Variants in PARD3 observed in about 807,000 individuals in gnomAD.
The protein encoded by PARD3 is partitioning defective 3 homolog.
PARD3 carries 75 observed loss-of-function variants against 155.4 expected under a neutral mutation model. That is an observed-to-expected ratio of 0.48 (90% CI 0.40 to 0.58). PARD3 has a LOEUF of 0.58. Ranked by LOEUF, PARD3 falls within the 20% of genes least tolerant of loss-of-function variation. The pLI, the probability that PARD3 is intolerant of heterozygous loss-of-function variation, is 0.00. For missense variants in PARD3, 1,642 were observed against 1,721.7 expected (o/e 0.95, Z 0.82); for synonymous variants, 576 against 610.5 (o/e 0.94, Z 0.83).
At chr10:34,127,827 T>TA (rs1317137044) in intron 23 of PARD3, among the ~76,000 whole-genome samples, 5 of 142,244 alleles carry the variant, frequency 3.5e-5, no homozygotes, top group Non-Finnish European at 7.8e-5. Context: ...TTTGTGTAAA[T>TA]ATACATAGTT....
At chr10:34,807,499 A>T in intron 1 of PARD3, among the ~76,000 whole-genome samples, 1 of 152,132 alleles carries the variant, frequency 6.6e-6, no homozygotes, top group Non-Finnish European at 1.5e-5. Context: ...GAAACCTCAT[A>T]CCCATTCACA....
At chr10:34,543,557 A>C (rs897959891) in intron 2 of PARD3, among the ~76,000 whole-genome samples, 9 of 152,254 alleles carry the variant, frequency 5.9e-5, no homozygotes, top group African/African-American at 2.2e-4. Flanking sequence ...GAGAGTGTGA[A>C]GAATGGAACA....
chr10:34,414,298 A>T (rs902724737), intron 5 of PARD3, among the ~76,000 whole-genome samples: 1 of 152,086 alleles, frequency 6.6e-6, no homozygotes, highest in African/African-American at 2.4e-5. Flanking sequence ...AAATAGAAGC[A>T]TGTCTACTGT....
At chr10:34,696,007 T>C (rs1466497874) in intron 2 of PARD3, among the ~76,000 whole-genome samples, 2 of 152,258 alleles carry the variant, frequency 1.3e-5, no homozygotes, top group East Asian at 3.9e-4. Flanking sequence ...TGAAGAAAGA[T>C]GTTATGTTTG....
At chr10:34,432,337 TACAC>T (rs71917947) in intron 5 of PARD3, among the ~76,000 whole-genome samples, 13,705 of 143,386 alleles carry the variant, frequency 0.096, 675 homozygotes, top group African/African-American at 0.11. Context: ...CACGTGCACA[TACAC>T]ACACACACAC....
At chr10:34,132,899 C>A (rs1297220367) in intron 22 of PARD3, among the ~76,000 whole-genome samples, 2 of 152,050 alleles carry the variant, frequency 1.3e-5, no homozygotes, top group African/African-American at 4.8e-5. Flanking sequence ...AATGGTGCGG[C>A]AGAGAAGGGA....
chr10:34,686,289 G>T (rs1213686175), intron 2 of PARD3, among the ~76,000 whole-genome samples: 4 of 152,024 alleles, frequency 2.6e-5, no homozygotes, highest in African/African-American at 9.7e-5. Context: ...TTTTCCTATG[G>T]CTCTTTTCTG....
chr10:34,337,759 T>G (rs546341620), intron 16 of PARD3, among the ~76,000 whole-genome samples: 1 of 152,352 alleles, frequency 6.6e-6, no homozygotes, highest in East Asian at 1.9e-4. Flanking sequence ...TTAGAACAAC[T>G]GAATTTTTCA....
chr10:34,276,854 T>G (rs1445643437), intron 21 of PARD3, among the ~76,000 whole-genome samples: 4 of 152,176 alleles, frequency 2.6e-5, no homozygotes, highest in Non-Finnish European at 4.4e-5. Flanking sequence ...ACATGTTGTA[T>G]TTTTTTAAAG....
chr10:34,250,943 AGAGAATCT>A, intron 22 of PARD3, among the ~76,000 whole-genome samples: 1 of 152,346 alleles, frequency 6.6e-6, no homozygotes, highest in Non-Finnish European at 1.5e-5. Context: ...ACAAGCTCTG[AGAGAATCT>A]GACTCCAGGC....
chr10:34,578,992 G>A (rs965015656), intron 2 of PARD3, among the ~76,000 whole-genome samples: 3 of 152,180 alleles, frequency 2.0e-5, no homozygotes, highest in Non-Finnish European at 4.4e-5. Context: ...AAATTATAAG[G>A]CTGCGCGCAG....
At chr10:34,670,504 G>A (rs1035315306) in intron 2 of PARD3, among the ~76,000 whole-genome samples, 5 of 152,180 alleles carry the variant, frequency 3.3e-5, no homozygotes, top group Admixed American at 3.3e-4. Flanking sequence ...TGTTTAGGCT[G>A]GATTCACTTT....
intron 2 of PARD3, among the ~76,000 whole-genome samples, chr10:34,692,010 T>C (rs897780001): frequency 1.3e-5 from 2 of 152,154 alleles, no homozygotes; most frequent in African/African-American, 2.4e-5. Flanking sequence ...GGCAGGTGGA[T>C]TGCCTGAGGT....
intron 2 of PARD3, among the ~76,000 whole-genome samples, chr10:34,669,287 A>T (rs1334230248): frequency 6.6e-6 from 1 of 152,254 alleles, no homozygotes; most frequent in Non-Finnish European, 1.5e-5. Flanking sequence ...GCCATAAAAA[A>T]GAATGAAATC....
chr10:34,312,766 G>A (rs773297520), intron 20 of PARD3, among the ~76,000 whole-genome samples: 3 of 152,134 alleles, frequency 2.0e-5, no homozygotes, highest in Non-Finnish European at 2.9e-5. Flanking sequence ...ATGGACAACA[G>A]CTAGAAATAA....
Position 34,126,819 on chromosome 10 carries a change from A to G in PARD3, c.3540+4644T>C, listed in dbSNP as rs545538998. ...GCAAGATCTCAGTTTCTTGAAAATG[A>G]AAAAAAAAAAAAAAAGAAAAGGTCA... is the stretch of plus-strand genomic sequence containing the variant. On this transcript the variant is annotated intron_variant, in intron 23 of 24. Transcript: ENST00000374788. Among the ~76,000 whole-genome samples the G allele has an allele frequency of 1.8e-4, 23 of 130,584 alleles. 1 individual carries two copies. In the East Asian group the frequency reaches 4.5e-3, roughly 26 times the overall value. 85.7% of individuals were successfully genotyped at this position (130,584 alleles called of 152,430 possible). A position where few individuals can be genotyped will look rare whatever the true frequency, so the allele number is the denominator to read the frequency against.
chr10:34,425,612 G>A (rs2075560265), intron 5 of PARD3, among the ~76,000 whole-genome samples: 1 of 152,068 alleles, frequency 6.6e-6, no homozygotes, highest in Non-Finnish European at 1.5e-5. Context: ...GCTGAGGCTT[G>A]TCTTGAACTC....
intron 14 of PARD3, among the ~76,000 whole-genome samples, chr10:34,356,687 C>A (rs992126629): frequency 6.6e-6 from 1 of 152,164 alleles, no homozygotes; most frequent in African/African-American, 2.4e-5. Flanking sequence ...TTTACACATA[C>A]CCTCCCAGTG....
intron 1 of PARD3, among the ~76,000 whole-genome samples, chr10:34,706,020 A>G (rs1437088308): frequency 6.6e-6 from 1 of 152,194 alleles, no homozygotes; most frequent in African/African-American, 2.4e-5. Context: ...ATGCCAACAC[A>G]AAGTCATGGA....
Sources: allele counts gnomAD v4.1 joint callset (sites outside exome capture counted in the v4.1 genomes callset), GRCh38; gene constraint gnomAD v4.1.1; transcripts MANE v1.5; gene names NCBI Gene and HGNC (gene_info 2026-07-23, HGNC 2026-07-21).